Variants in LARP4B observed in about 807,000 individuals in gnomAD.
LARP4B encodes the protein La ribonucleoprotein 4B.
A neutral mutation model predicts 89.8 loss-of-function variants in LARP4B; 12 were observed. The observed-to-expected ratio is 0.13, with a 90% CI of 0.09 to 0.22. The LOEUF is 0.22. Among genes scored for constraint, LARP4B ranks in the 10% least tolerant of loss-of-function variants. The pLI is 1.00. For missense variants in LARP4B, 757 were observed against 947.7 expected, an observed-to-expected ratio of 0.80 and a Z score of 2.64; for synonymous variants, 367 against 363.3, an observed-to-expected ratio of 1.01 and a Z score of -0.12.
intron 3 of LARP4B, among the ~76,000 whole-genome samples, chr10:867,544 T>C (rs781564664): frequency 5.9e-5 from 9 of 152,194 alleles, no homozygotes; most frequent in Non-Finnish European, 1.0e-4. Flanking sequence ...TGCAGTAATA[T>C]GGAACTCTAA....
chr10:817,620 T>C (rs1832130593), intron 15 of LARP4B, 105 bp downstream of exon 15: 1 of 1,139,868 alleles, frequency 8.8e-7, no homozygotes, highest in African/African-American at 1.8e-5. Context: ...AAGCCTCTCT[T>C]GAGTATTAAA....
Position 839,752 on chromosome 10 carries a change from GCTCACACAC to G in LARP4B, c.646+3171_646+3179del, listed in dbSNP as rs528657731. Among the ~76,000 whole-genome samples, 12 of 152,294 alleles carry G rather than the reference GCTCACACAC, an allele frequency of 7.9e-5. No individual in the cohort carries two copies. In the South Asian group the frequency reaches 2.5e-3, roughly 32 times the overall value. On this transcript the variant is annotated intron_variant, in intron 7 of 17. Coordinates refer to ENST00000316157, the MANE Select transcript of LARP4B (RefSeq NM_015155.3). ...AAAACAGGCAGGTGGTTTCACAGTTGCTCACACACCTAACCACACAATCCAGACATTCCA... is the reference window on the plus strand; with the variant it reads ...AAAACAGGCAGGTGGTTTCACAGTTGCTAACCACACAATCCAGACATTCCA...
At chr10:943,817 A>G in the LARP4B span, among the ~76,000 whole-genome samples, 2 of 151,830 alleles carry the variant, frequency 1.3e-5, no homozygotes, top group African/African-American at 2.4e-5. Context: ...TTTCCGGGGT[A>G]ATTGTGTCTA....
chr10:940,236 C>CT, the LARP4B span, among the ~76,000 whole-genome samples: 1 of 152,186 alleles, frequency 6.6e-6, no homozygotes, highest in Non-Finnish European at 1.5e-5. Flanking sequence ...AGGCTGGTCT[C>CT]AAACTCTTGA....
chr10:944,908 G>A, the LARP4B span, among the ~76,000 whole-genome samples: 1 of 152,210 alleles, frequency 6.6e-6, no homozygotes, highest in Non-Finnish European at 1.5e-5. Flanking sequence ...TAGAATTAGT[G>A]GCCAGTAAAT....
Position 813,120 on chromosome 10 carries a change from T to C in LARP4B, c.2023A>G (p.Asn675Asp). 4 of 1,614,150 alleles carry C rather than the reference T, an allele frequency of 2.5e-6. No homozygotes were observed. Among genetic ancestry groups the C allele is most frequent in the Non-Finnish European group, 3.4e-6 (4 of 1,180,014 alleles). The change falls in exon 18 of 18, where the codon AAC becomes GAC. Residue 675 changes from asparagine (N) to aspartate (D), a missense_variant. Coordinates refer to ENST00000316157, the MANE Select transcript of LARP4B (RefSeq NM_015155.3). ...TCCTCCTTCCCACAACCAACAGTGT[T>C]TGGCTTTTGTTCTTTTTGGGGTTGC... The part of the protein sequence containing the change: ...PLQPQKEQKP[N>D]TVGCGKEEKK...
At chr10:908,323 C>T (rs1314196464) in intron 1 of LARP4B, among the ~76,000 whole-genome samples, 1 of 152,106 alleles carries the variant, frequency 6.6e-6, no homozygotes, top group Non-Finnish European at 1.5e-5. Flanking sequence ...TGCCCTTCCC[C>T]CACACCTTGC....
In LARP4B at chr10:812,804, A is replaced by T; in HGVS notation, c.*122T>A. On this transcript the variant is annotated 3_prime_UTR_variant, in exon 18 of 18. Coordinates refer to ENST00000316157, the MANE Select transcript of LARP4B (RefSeq NM_015155.3). ...CAACTCACAGAAGAAAACCAACTTG[A>T]GGATCCCACAGGCCTCAGACACTGC... 1.2e-6 allele frequency: 1 copy of T among 849,908 alleles called. No individual in the cohort carries two copies. The highest frequency in any genetic ancestry group is 1.6e-6 in the Non-Finnish European group (1 of 615,148). The allele number at this position is 849,908 out of a possible 1,614,324, so 52.6% of individuals were successfully genotyped here. A position where few individuals can be genotyped will look rare whatever the true frequency, so the allele number is the denominator to read the frequency against.
At chr10:842,731 G>A (rs181903567) in intron 7 of LARP4B, among the ~76,000 whole-genome samples, 4 of 151,966 alleles carry the variant, frequency 2.6e-5, no homozygotes, top group African/African-American at 9.7e-5. Flanking sequence ...GTTTCATAAC[G>A]GGTTCAACTG....
intron 3 of LARP4B, among the ~76,000 whole-genome samples, chr10:864,839 G>T (rs72778215): frequency 0.15 from 23,045 of 152,048 alleles, 1,893 homozygotes; most frequent in Non-Finnish European, 0.19. Context: ...TGTAATCCCA[G>T]CTACTCGAGA....
intron 7 of LARP4B, among the ~76,000 whole-genome samples, chr10:840,462 C>T (rs11253459): frequency 0.18 from 27,228 of 152,070 alleles, 2,654 homozygotes; most frequent in African/African-American, 0.22. Context: ...TTTGGAAATA[C>T]GCTTTTATAA....
At chr10:905,885 C>G (rs1057082808) in intron 1 of LARP4B, among the ~76,000 whole-genome samples, 1 of 152,188 alleles carries the variant, frequency 6.6e-6, no homozygotes, top group African/African-American at 2.4e-5. Context: ...GTGGAACAGA[C>G]CAGCCTTTCC....
chr10:863,440 A>G (rs945669875), intron 5 of LARP4B, among the ~76,000 whole-genome samples: 2 of 151,878 alleles, frequency 1.3e-5, no homozygotes, highest in Admixed American at 6.6e-5. Context: ...CGTGTTAGCC[A>G]GGATGGTCTT....
chr10:886,258 A>T (rs973820814), intron 1 of LARP4B, among the ~76,000 whole-genome samples: 9 of 152,334 alleles, frequency 5.9e-5, no homozygotes, highest in African/African-American at 1.9e-4. Flanking sequence ...GCAGAACAAA[A>T]CCACAATGAT....
chr10:852,257 A>G (rs1414470571), intron 5 of LARP4B, among the ~76,000 whole-genome samples: 1 of 152,220 alleles, frequency 6.6e-6, no homozygotes, highest in Non-Finnish European at 1.5e-5. Context: ...TTCTAAGCAA[A>G]GTTTTGGTAA....
intron 6 of LARP4B, among the ~76,000 whole-genome samples, chr10:844,386 A>G (rs1408468326): frequency 1.3e-5 from 2 of 152,228 alleles, no homozygotes; most frequent in African/African-American, 4.8e-5. Context: ...CACAGGCTTC[A>G]AGGAGCCCCT....
At chr10:904,370 A>G (rs374680658) in intron 1 of LARP4B, among the ~76,000 whole-genome samples, 4 of 152,214 alleles carry the variant, frequency 2.6e-5, no homozygotes, top group African/African-American at 9.6e-5. Flanking sequence ...CCTGGGCAAC[A>G]CAGTGAAACC....
Position 903,675 on chromosome 10 carries a change from A to T in LARP4B, c.-39-17915T>A, listed in dbSNP as rs886649840. ...CACCGCTTCACTCTGATGGGTGGAA[A>T]AGGTCTCTCTCCACCTCATTTCCAG... is the stretch of plus-strand genomic sequence containing the variant. On this transcript the variant is annotated intron_variant, in intron 1 of 17. Coordinates refer to ENST00000316157, the MANE Select transcript of LARP4B (RefSeq NM_015155.3). Among the ~76,000 whole-genome samples the T allele has an allele frequency of 4.6e-5, 7 of 152,314 alleles. No homozygotes were observed. In the South Asian group the frequency reaches 1.4e-3, roughly 32 times the overall value.
At chr10:836,311 A>T (rs1833216190) in intron 8 of LARP4B, 92 bp downstream of exon 8, 2 of 856,572 alleles carry the variant, frequency 2.3e-6, no homozygotes, top group East Asian at 4.9e-5. Flanking sequence ...AAAAACACAC[A>T]GCCCAAAAAA....
Sources: allele counts gnomAD v4.1 joint callset (sites outside exome capture counted in the v4.1 genomes callset), GRCh38; gene constraint gnomAD v4.1.1; transcripts MANE v1.5; gene names NCBI Gene and HGNC (gene_info 2026-07-23, HGNC 2026-07-21).